The following ZNF562 variants were observed in gnomAD, a reference collection of about 807,000 sequenced individuals.
The protein encoded by ZNF562 is zinc finger protein 562.
A neutral mutation model predicts 17.5 loss-of-function variants in ZNF562; 13 were observed. The observed-to-expected ratio is 0.74, with a 90% CI of 0.48 to 1.18. The LOEUF is 1.18. ZNF562 is among the 50% of genes most tolerant of loss of function. The probability of loss-of-function intolerance (pLI) is 0.00; values close to 1 mark genes in which losing one functional copy is unlikely to be tolerated. For synonymous variants in ZNF562, 163 were observed against 165.4 expected (o/e 0.99, Z 0.11); for missense variants, 481 against 498.5 (o/e 0.96, Z 0.33).
intron 1 of ZNF562, among the ~76,000 whole-genome samples, chr19:9,673,290 T>C (rs1316100821): frequency 6.6e-6 from 1 of 152,094 alleles, no homozygotes; most frequent in East Asian, 1.9e-4. Context: ...TCCCCTCCCT[T>C]ATCTGGTGTA....
rs561792664 is a variant in ZNF562 at position 9,645,048 on chromosome 19, G to T, written c.*7901C>A. The T allele has an allele frequency of 2.0e-5, 3 of 150,814 alleles. No individual in the cohort carries two copies. Among genetic ancestry groups the T allele is most frequent in the Non-Finnish European group, 2.9e-5 (2 of 67,890 alleles). The allele number at this position is 150,814 out of a possible 1,614,324, so 9.3% of individuals were successfully genotyped here. On this transcript the variant is annotated 3_prime_UTR_variant, in exon 6 of 6. Coordinates refer to ENST00000453372, the MANE Select transcript of ZNF562 (RefSeq NM_001130031.2). ...CCCAGTCTCTCTGTGAACATTGACAGAATTTTTTTTTTTTTTTTGAGACAG... is the reference window on the plus strand; with the variant it reads ...CCCAGTCTCTCTGTGAACATTGACATAATTTTTTTTTTTTTTTTGAGACAG...
At chr19:9,661,287 C>A (rs1259672339) in intron 1 of ZNF562, among the ~76,000 whole-genome samples, 1 of 151,988 alleles carries the variant, frequency 6.6e-6, no homozygotes, top group African/African-American at 2.4e-5. Context: ...ATAGCTGGGA[C>A]CACAGGTGTG....
chr19:9,646,071 C>CTTTTTT lies in ZNF562; in HGVS notation c.*6872_*6877dup, dbSNP rs962166348. 1 of 132,168 alleles carries CTTTTTT rather than the reference C, an allele frequency of 7.6e-6. No individual in the cohort carries two copies. Among genetic ancestry groups the CTTTTTT allele is most frequent in the African/African-American group, 2.8e-5 (1 of 36,294 alleles). The allele number at this position is 132,168 out of a possible 1,614,324, so 8.2% of individuals were successfully genotyped here. A position where few individuals can be genotyped will look rare whatever the true frequency, so the allele number is the denominator to read the frequency against. On this transcript the variant is annotated 3_prime_UTR_variant, in exon 6 of 6. Transcript: ENST00000453372. ...AATTGGTATTATTCAAGTATTTTTT[C>CTTTTTT]TTTTTTTTTTTTTTTTTGTGACAGA...
At chr19:9,666,123 A>C (rs887964936) in intron 1 of ZNF562, among the ~76,000 whole-genome samples, 3 of 152,194 alleles carry the variant, frequency 2.0e-5, no homozygotes, top group Non-Finnish European at 2.9e-5. Context: ...TCAGGAGTTC[A>C]AGACCAGCCT....
chr19:9,653,427 G>T lies in ZNF562; in HGVS notation c.803C>A (p.Ser268Tyr). The T allele has an allele frequency of 3.7e-6, 6 of 1,614,158 alleles. No individual in the cohort carries two copies. The highest frequency in any genetic ancestry group is 5.1e-6 in the Non-Finnish European group (6 of 1,180,030). Residue 268 changes from serine (S) to tyrosine (Y), a missense_variant, in exon 6 of 6, where the codon TCC becomes TAC. By Grantham distance (144) the Ser-to-Tyr change is moderately radical. Transcript: ENST00000453372. ...AGAAAGTTGAGAAAAATTAGTGAAG[G>T]ATTTCCCACAGTTCTTAGTCTTTTC... ...KSEKTKNCGK[S>Y]FTNFSQLSAH...
At chr19:9,669,775 C>CA (rs2044112191) in intron 1 of ZNF562, among the ~76,000 whole-genome samples, 2 of 149,210 alleles carry the variant, frequency 1.3e-5, no homozygotes, top group South Asian at 2.1e-4. Context: ...CACACACACA[C>CA]AACCAGTCAG....
chr19:9,664,407 G>T (rs945249336), intron 1 of ZNF562, among the ~76,000 whole-genome samples: 2 of 152,164 alleles, frequency 1.3e-5, no homozygotes, highest in African/African-American at 4.8e-5. Context: ...GCACATTTTG[G>T]GTTGGATTTG....
At chr19:9,674,937 G>A (rs527357997) in intron 1 of ZNF562, 78 bp downstream of exon 1, 3 of 152,538 alleles carry the variant, frequency 2.0e-5, no homozygotes, top group Admixed American at 6.5e-5. Context: ...GATCTGAGAG[G>A]CTCCTGGGCG....
intron 4 of ZNF562, 70 bp from the exon 5 acceptor site, chr19:9,656,723 G>T: frequency 6.6e-7 from 1 of 1,509,868 alleles, no homozygotes; most frequent in Non-Finnish European, 9.1e-7. Flanking sequence ...ATTAAACACA[G>T]TATGAAAATA....
At position 9,658,139 on chromosome 19, in the gene ZNF562, A is replaced by C; in HGVS notation, c.115-4T>G. The C allele has an allele frequency of 6.2e-7, 1 of 1,612,184 alleles. No individual in the cohort carries two copies. The highest frequency in any genetic ancestry group is 1.1e-5 in the South Asian group (1 of 90,840). On this transcript the variant is annotated splice_polypyrimidine_tract_variant and splice_region_variant and intron_variant, in intron 3 of 5. Coordinates refer to ENST00000453372, the MANE Select transcript of ZNF562 (RefSeq NM_001130031.2). ...CATCATCAAACGTCACTGAATCCTAAGTCATCAAACACATGCTGGTTTGAG... is the reference window on the plus strand; with the variant it reads ...CATCATCAAACGTCACTGAATCCTACGTCATCAAACACATGCTGGTTTGAG...
chr19:9,660,030 A>C (rs1356003117), intron 2 of ZNF562, among the ~76,000 whole-genome samples: 1 of 138,218 alleles, frequency 7.2e-6, no homozygotes, highest in Non-Finnish European at 1.5e-5. Context: ...TGGAGGTTGC[A>C]ATGAGTCAAG....
intron 2 of ZNF562, among the ~76,000 whole-genome samples, chr19:9,659,843 A>C (rs1015837696): frequency 6.8e-6 from 1 of 147,490 alleles, no homozygotes; most frequent in African/African-American, 2.5e-5. Context: ...TGTAATCCCA[A>C]CATTTTGGGA....
chr19:9,656,877 T>TAA (rs1388461664), intron 4 of ZNF562, among the ~76,000 whole-genome samples: 2 of 140,272 alleles, frequency 1.4e-5, no homozygotes, highest in African/African-American at 5.2e-5. Flanking sequence ...CAAAAATATA[T>TAA]ATATATATAT....
At chr19:9,664,637 C>T (rs1215450626) in intron 1 of ZNF562, among the ~76,000 whole-genome samples, 2 of 152,260 alleles carry the variant, frequency 1.3e-5, no homozygotes, top group Non-Finnish European at 2.9e-5. Flanking sequence ...GGGTTTCTGC[C>T]GTTTTTGAAA....
At chr19:9,670,965 A>T (rs926193290) in intron 1 of ZNF562, among the ~76,000 whole-genome samples, 6 of 150,802 alleles carry the variant, frequency 4.0e-5, no homozygotes, top group East Asian at 2.0e-4. Context: ...ATGCCACTGC[A>T]TTCTAGCCTG....
At chr19:9,656,439 T>C (rs888716213) in intron 5 of ZNF562, 108 bp downstream of exon 5, 1 of 1,188,802 alleles carries the variant, frequency 8.4e-7, no homozygotes, top group Non-Finnish European at 1.2e-6. Context: ...AACCTGGGAG[T>C]TGGAGGTTGC....
intron 1 of ZNF562, among the ~76,000 whole-genome samples, chr19:9,669,386 C>T (rs1352629131): frequency 2.0e-5 from 3 of 152,122 alleles, no homozygotes; most frequent in African/African-American, 7.2e-5. Context: ...AAATACAAAT[C>T]ACACATAACC....
intron 5 of ZNF562, among the ~76,000 whole-genome samples, chr19:9,655,682 A>AGT (rs1319850056): frequency 7.0e-6 from 1 of 142,018 alleles, no homozygotes; most frequent in Non-Finnish European, 1.5e-5. Flanking sequence ...CACATCCCAA[A>AGT]GTGCTGGGAT....
intron 5 of ZNF562, among the ~76,000 whole-genome samples, 191 bp from the exon 6 acceptor site, chr19:9,654,072 C>A (rs1244399715): frequency 6.6e-6 from 1 of 150,590 alleles, no homozygotes; most frequent in Non-Finnish European, 1.5e-5. Context: ...CTAACTGCAA[C>A]CTTCACCTCC....
Sources: gnomAD v4.1 joint callset for allele counts (sites outside exome capture counted in the v4.1 genomes callset) on GRCh38, gnomAD v4.1.1 for gene constraint, MANE v1.5 for transcripts, NCBI Gene and HGNC (gene_info 2026-07-23, HGNC 2026-07-21) for gene names.